Variants in PDSS1 observed in about 807,000 individuals in gnomAD.
PDSS1 encodes the protein all trans-polyprenyl-diphosphate synthase PDSS1.
In PDSS1, 43 loss-of-function variants were observed where a neutral mutation model predicts 57.5. The ratio of observed to expected loss-of-function variants is 0.75; its 90% CI spans 0.59 to 0.96. The LOEUF (loss-of-function observed/expected upper bound fraction) is 0.96. Among genes scored for constraint, PDSS1 ranks in the 50% least tolerant of loss-of-function variants. The probability of loss-of-function intolerance (pLI) is 0.00; values close to 1 mark genes in which losing one functional copy is unlikely to be tolerated. For synonymous variants in PDSS1, 175 were observed against 191.3 expected, an observed-to-expected ratio of 0.91 and a Z score of 0.70; for missense variants, 438 against 527.8, an observed-to-expected ratio of 0.83 and a Z score of 1.67.
chr10:26,744,782 C>A (rs113358436), intron 11 of PDSS1, among the ~76,000 whole-genome samples: 1 of 152,168 alleles, frequency 6.6e-6, no homozygotes, highest in African/African-American at 2.4e-5. Flanking sequence ...CAAAAAGGAA[C>A]AGCAAACTAA....
At chr10:26,709,908 T>G (rs1353211743) in intron 5 of PDSS1, 140 bp downstream of exon 5, 14 of 897,112 alleles carry the variant, frequency 1.6e-5, no homozygotes, top group Non-Finnish European at 2.3e-5. Flanking sequence ...ATCCCAGCAT[T>G]CTGGGAGCCT....
At chr10:26,745,626 C>T (rs1233997412) in intron 11 of PDSS1, among the ~76,000 whole-genome samples, 1 of 152,152 alleles carries the variant, frequency 6.6e-6, no homozygotes, top group Non-Finnish European at 1.5e-5. Flanking sequence ...GCAGGCAGAT[C>T]ACTTGAGGCC....
At chr10:26,698,012 G>A (rs1834925609) in intron 1 of PDSS1, among the ~76,000 whole-genome samples, 172 bp downstream of exon 1, 1 of 151,972 alleles carries the variant, frequency 6.6e-6, no homozygotes. Context: ...CTCGCGGTGG[G>A]ACGGAGCCGC....
intron 1 of PDSS1, chr10:26,701,895 G>T (rs1038813953): frequency 4.4e-6 from 2 of 453,188 alleles, no homozygotes; most frequent in Non-Finnish European, 8.9e-6. Context: ...TAGCAGTGGG[G>T]GTTGAACCCT....
At chr10:26,717,364 T>C (rs938850336) in intron 5 of PDSS1, among the ~76,000 whole-genome samples, 4 of 152,186 alleles carry the variant, frequency 2.6e-5, no homozygotes, top group African/African-American at 9.6e-5. Flanking sequence ...CCCAAGTAGC[T>C]GGGATTACAG....
In PDSS1 at chr10:26,746,686, G is replaced by T. The variant is rs1836955432; in HGVS notation, c.*213G>T. On this transcript the variant is annotated 3_prime_UTR_variant, in exon 12 of 12. Coordinates refer to ENST00000376215, the MANE Select transcript of PDSS1 (RefSeq NM_014317.5). ...TAAACCACCTGAATCTGTCATTCTA[G>T]TCCTATAAATTATAATCAAGGTATC... The T allele has an allele frequency of 5.5e-6, 3 of 544,704 alleles. No individual in the cohort carries two copies. The Admixed American group carries it at 9.1e-5, about 17-fold the overall frequency. The allele number at this position is 544,704 out of a possible 1,614,324, so 33.7% of individuals were successfully genotyped here.
intron 8 of PDSS1, among the ~76,000 whole-genome samples, chr10:26,731,170 A>G (rs987357218): frequency 2.0e-5 from 3 of 152,072 alleles, no homozygotes; most frequent in African/African-American, 7.2e-5. Context: ...GTGGAACCCC[A>G]TCTCTACTAA....
intron 8 of PDSS1, among the ~76,000 whole-genome samples, chr10:26,731,619 G>C (rs1018788533): frequency 1.3e-5 from 2 of 152,200 alleles, no homozygotes; most frequent in Non-Finnish European, 2.9e-5. Flanking sequence ...ACCAGTATGT[G>C]TTTCCACCAG....
At chr10:26,719,613 T>A (rs1835714510) in intron 5 of PDSS1, among the ~76,000 whole-genome samples, 1 of 151,966 alleles carries the variant, frequency 6.6e-6, no homozygotes, top group Non-Finnish European at 1.5e-5. Flanking sequence ...ACTAAAAATA[T>A]AAAATTTAGC....
At chr10:26,698,470 A>G (rs1430082224) in intron 1 of PDSS1, among the ~76,000 whole-genome samples, 4 of 152,172 alleles carry the variant, frequency 2.6e-5, no homozygotes, top group Admixed American at 2.0e-4. Flanking sequence ...GGAGTCATCT[A>G]AAGTCAGAAT....
intron 8 of PDSS1, among the ~76,000 whole-genome samples, chr10:26,734,293 G>A (rs1263189468): frequency 1.3e-5 from 2 of 152,194 alleles, no homozygotes; most frequent in African/African-American, 4.8e-5. Context: ...CCTAGCATCC[G>A]CGAGCCTTAC....
At chr10:26,728,034 T>C (rs1397441668) in intron 8 of PDSS1, among the ~76,000 whole-genome samples, 1 of 152,180 alleles carries the variant, frequency 6.6e-6, no homozygotes, top group Non-Finnish European at 1.5e-5. Context: ...GTCCCATTAC[T>C]GGTGATGCAT....
chr10:26,739,457 C>T (rs575300955), intron 10 of PDSS1, among the ~76,000 whole-genome samples: 1 of 152,184 alleles, frequency 6.6e-6, no homozygotes, highest in Non-Finnish European at 1.5e-5. Flanking sequence ...AAATTGCACA[C>T]ATGACATGTT....
At position 26,720,294 on chromosome 10, in the gene PDSS1, G is replaced by A. The variant is rs758101398; in HGVS notation, c.544G>A (p.Val182Ile). Residue 182 changes from valine (V) to isoleucine (I), a missense_variant, in exon 6 of 12, where the codon GTT becomes ATT. Val to Ile is a conservative substitution (Grantham distance 29). Coordinates refer to ENST00000376215, the MANE Select transcript of PDSS1 (RefSeq NM_014317.5). ...IHTASLVHDD[V>I]IDDASSRRGK... The stretch of plus-strand genomic sequence containing the variant: ...CACTGCTAGTCTGGTTCACGATGAC[G>A]TTATTGACGATGCAAGTTCTCGAAG... 9.9e-6 allele frequency: 16 copies of A among 1,613,986 alleles called. No individual in the cohort carries two copies. The highest frequency in any genetic ancestry group is 2.2e-5 in the East Asian group (1 of 44,894).
At chr10:26,703,452 G>C (rs1050478055) in intron 2 of PDSS1, among the ~76,000 whole-genome samples, 1 of 151,794 alleles carries the variant, frequency 6.6e-6, no homozygotes, top group Admixed American at 6.6e-5. Flanking sequence ...TCTAATAATA[G>C]TAACTATTAC....
At chr10:26,731,319 C>G (rs745912479) in intron 8 of PDSS1, among the ~76,000 whole-genome samples, 1 of 151,926 alleles carries the variant, frequency 6.6e-6, no homozygotes, top group African/African-American at 2.4e-5. Context: ...CCAGCATGGG[C>G]GACAAAGTGA....
chr10:26,704,603 TG>T (rs1835150115), intron 2 of PDSS1, 73 bp from the exon 3 acceptor site: 3 of 768,304 alleles, frequency 3.9e-6, no homozygotes, highest in Admixed American at 3.5e-5. Flanking sequence ...ATTATAATTA[TG>T]GGGGTTTTAT....
intron 10 of PDSS1, among the ~76,000 whole-genome samples, chr10:26,737,290 G>C (rs1490306862): frequency 6.6e-6 from 1 of 152,064 alleles, no homozygotes. Context: ...TGGCCTCTTC[G>C]GACTGTGTTT....
chr10:26,720,315 C>T lies in PDSS1; in HGVS notation c.565C>T (p.Arg189Ter), dbSNP rs1240734797. ...TGACGTTATTGACGATGCAAGTTCT[C>T]GAAGAGGAAAACACACAGTTAATAA... ...HDDVIDDASSRRGKHTVNKIW... is the reference protein window; with the variant it reads ...HDDVIDDASS Residue 189 changes from arginine to a stop codon, truncating the protein, a stop_gained, in exon 6 of 12, where the codon CGA becomes TGA. Coordinates refer to ENST00000376215, the MANE Select transcript of PDSS1 (RefSeq NM_014317.5). LOFTEE classifies it high-confidence loss of function. 6.2e-7 allele frequency: 1 copy of T among 1,613,930 alleles called. No homozygotes were observed.
Sources: allele counts gnomAD v4.1 joint callset (sites outside exome capture counted in the v4.1 genomes callset), GRCh38; gene constraint gnomAD v4.1.1; transcripts MANE v1.5; gene names NCBI Gene and HGNC (gene_info 2026-07-23, HGNC 2026-07-21).